Variants in HTR1F observed in about 807,000 individuals in gnomAD.
HTR1F encodes 5-hydroxytryptamine (serotonin) receptor 1F, G protein-coupled.
Under a neutral mutation model 24.0 loss-of-function variants are expected in HTR1F, and 17 were observed. That is an observed-to-expected ratio of 0.71 (90% confidence interval 0.48 to 1.06). The LOEUF (loss-of-function observed/expected upper bound fraction) is 1.06, where lower values mean the gene tolerates loss of function less well. Among genes scored for constraint, HTR1F ranks in the 50% least tolerant of loss-of-function variants. The pLI is 0.00. For missense variants in HTR1F, 391 were observed against 427.8 expected, an observed-to-expected ratio of 0.91 and a Z score of 0.76; for synonymous variants, 186 against 156.8, an observed-to-expected ratio of 1.19 and a Z score of -1.39.
At chr3:87,921,731 A>G (rs1576033246) in intron 2 of HTR1F, among the ~76,000 whole-genome samples, 1 of 151,780 alleles carries the variant, frequency 6.6e-6, no homozygotes, top group African/African-American at 2.4e-5. Context: ...TCTCCTCGCT[A>G]CCCTTCCCAG....
At chr3:87,977,468 A>G (rs1419873984) in intron 2 of HTR1F, among the ~76,000 whole-genome samples, 83 of 138,104 alleles carry the variant, frequency 6.0e-4, no homozygotes, top group Non-Finnish European at 9.5e-4. Context: ...GCTTGATCTC[A>G]GCTCACTGCA....
At chr3:87,907,796 G>A (rs1703699064) in intron 2 of HTR1F, among the ~76,000 whole-genome samples, 1 of 151,958 alleles carries the variant, frequency 6.6e-6, no homozygotes, top group African/African-American at 2.4e-5. Context: ...CATGGTTTCT[G>A]AATGGAGAAG....
chr3:87,965,410 T>C (rs188000535), intron 2 of HTR1F, among the ~76,000 whole-genome samples: 70 of 152,178 alleles, frequency 4.6e-4, no homozygotes, highest in African/African-American at 1.6e-3. Context: ...TTCATATATA[T>C]TGCAAAACTA....
At chr3:87,906,039 G>T (rs946994818) in intron 2 of HTR1F, among the ~76,000 whole-genome samples, 2 of 151,942 alleles carry the variant, frequency 1.3e-5, no homozygotes, top group African/African-American at 4.8e-5. Context: ...ACCTTATAAG[G>T]ATTAATTGAA....
chr3:87,873,477 T>A (rs1705605003), intron 2 of HTR1F, among the ~76,000 whole-genome samples: 2 of 152,262 alleles, frequency 1.3e-5, no homozygotes, highest in African/African-American at 2.4e-5. Flanking sequence ...ATTCAAGATA[T>A]AATGTATTAG....
intron 2 of HTR1F, among the ~76,000 whole-genome samples, chr3:87,849,010 A>G (rs1475650996): frequency 6.6e-6 from 1 of 151,634 alleles, no homozygotes; most frequent in Non-Finnish European, 1.5e-5. Flanking sequence ...AAGAATCAAT[A>G]CCGTGAAAAT....
At chr3:87,873,133 C>CACACACACACAGAGAG (rs370152361) in intron 2 of HTR1F, among the ~76,000 whole-genome samples, 15 of 130,316 alleles carry the variant, frequency 1.2e-4, no homozygotes, top group African/African-American at 3.1e-4. Context: ...CACACACACA[C>CACACACACACAGAGAG]AGAGAGATTT....
intron 2 of HTR1F, among the ~76,000 whole-genome samples, chr3:87,885,161 C>CAA (rs1345380681): frequency 3.3e-5 from 5 of 152,110 alleles, no homozygotes; most frequent in Admixed American, 6.6e-5. Flanking sequence ...ACAGTGCAAT[C>CAA]AAATTAGAAC....
At chr3:87,860,627 TGA>T (rs1381216975) in intron 2 of HTR1F, among the ~76,000 whole-genome samples, 1 of 152,194 alleles carries the variant, frequency 6.6e-6, no homozygotes, top group African/African-American at 2.4e-5. Context: ...ATACACATAG[TGA>T]GAGATCCATT....
chr3:87,920,685 G>T (rs1312089064), intron 2 of HTR1F, among the ~76,000 whole-genome samples: 1 of 151,850 alleles, frequency 6.6e-6, no homozygotes, highest in Non-Finnish European at 1.5e-5. Context: ...TGCACACATG[G>T]ACACAACAAG....
intron 2 of HTR1F, among the ~76,000 whole-genome samples, chr3:87,965,645 C>T (rs73847735): frequency 0.088 from 13,406 of 151,976 alleles, 628 homozygotes; most frequent in African/African-American, 0.11. Flanking sequence ...TAATAACTGG[C>T]GACACACCTT....
intron 2 of HTR1F, among the ~76,000 whole-genome samples, chr3:87,921,392 C>T (rs1457796489): frequency 2.0e-5 from 3 of 151,822 alleles, no homozygotes; most frequent in Non-Finnish European, 1.5e-5. Flanking sequence ...ATGTGCAAGG[C>T]AAGTTCCAGA....
chr3:87,855,452 T>C (rs1483729071), intron 2 of HTR1F, among the ~76,000 whole-genome samples: 2 of 151,966 alleles, frequency 1.3e-5, no homozygotes, highest in African/African-American at 2.4e-5. Context: ...AAACAGAGGG[T>C]GAAAACCCTC....
intron 2 of HTR1F, among the ~76,000 whole-genome samples, chr3:87,883,746 G>T (rs1181918226): frequency 6.6e-6 from 1 of 152,142 alleles, no homozygotes; most frequent in African/African-American, 2.4e-5. Flanking sequence ...GGATATCAGT[G>T]ATTGAATATC....
chr3:87,938,084 C>T (rs146568474), intron 2 of HTR1F, among the ~76,000 whole-genome samples: 95 of 152,158 alleles, frequency 6.2e-4, no homozygotes, highest in Middle Eastern at 3.4e-3. Context: ...AACAACTTCA[C>T]CAAAGTCTCA....
At chr3:87,864,377 A>G (rs1705378467) in intron 2 of HTR1F, among the ~76,000 whole-genome samples, 1 of 152,128 alleles carries the variant, frequency 6.6e-6, no homozygotes, top group Non-Finnish European at 1.5e-5. Flanking sequence ...TCTGCACCAC[A>G]TATGGGTTGT....
chr3:87,963,808 A>AT (rs1380438939), intron 2 of HTR1F, among the ~76,000 whole-genome samples: 1 of 152,114 alleles, frequency 6.6e-6, no homozygotes, highest in African/African-American at 2.4e-5. Flanking sequence ...ATCCCAACCT[A>AT]TCTAGCAACA....
At chr3:87,956,807 T>A (rs1704953985) in intron 2 of HTR1F, among the ~76,000 whole-genome samples, 1 of 151,348 alleles carries the variant, frequency 6.6e-6, no homozygotes, top group Non-Finnish European at 1.5e-5. Context: ...TACAATTGAT[T>A]TTTATTAACG....
chr3:87,968,697 T>A (rs552921439), intron 2 of HTR1F, among the ~76,000 whole-genome samples: 3 of 152,216 alleles, frequency 2.0e-5, no homozygotes, highest in Non-Finnish European at 4.4e-5. Context: ...CCCATTTTCT[T>A]AGGAGAAATT....
Sources: gnomAD v4.1 joint callset for allele counts (sites outside exome capture counted in the v4.1 genomes callset) on GRCh38, gnomAD v4.1.1 for gene constraint, MANE v1.5 for transcripts, NCBI Gene and HGNC (gene_info 2026-07-23, HGNC 2026-07-21) for gene names.